The following TOM1L2 variants were observed in gnomAD, a reference collection of about 807,000 sequenced individuals.
TOM1L2 encodes target of myb1 like 2 membrane trafficking protein.
Under a neutral mutation model 67.9 loss-of-function variants are expected in TOM1L2, and 31 were observed. The observed-to-expected ratio is 0.46, with a 90% CI of 0.34 to 0.62. The LOEUF is 0.62. TOM1L2 is among the 20% of genes least tolerant of loss of function. TOM1L2 has a pLI of 0.01. For synonymous variants in TOM1L2, 256 were observed against 254.0 expected (o/e 1.01, Z -0.07); for missense variants, 606 against 663.5 (o/e 0.91, Z 0.95).
chr17:17,877,778 C>G (rs1167153965), intron 7 of TOM1L2, among the ~76,000 whole-genome samples: 1 of 151,466 alleles, frequency 6.6e-6, no homozygotes, highest in African/African-American at 2.4e-5. Context: ...TGGAACAAAA[C>G]AGAGGGAAGG....
chr17:17,867,049 G>T, intron 8 of TOM1L2, 125 bp from the exon 9 acceptor site: 1 of 845,088 alleles, frequency 1.2e-6, no homozygotes, highest in South Asian at 1.4e-5. Flanking sequence ...TGGGGGCTAG[G>T]GAGTGAAACC....
At chr17:17,883,965 C>T (rs1490200581) in intron 5 of TOM1L2, among the ~76,000 whole-genome samples, 1 of 152,084 alleles carries the variant, frequency 6.6e-6, no homozygotes, top group African/African-American at 2.4e-5. Flanking sequence ...TGATTCCCAG[C>T]CAGTAGAGGG....
At chr17:17,869,661 G>GA in intron 7 of TOM1L2, 188 bp from the exon 8 acceptor site, 3 of 1,380,620 alleles carry the variant, frequency 2.2e-6, no homozygotes, top group African/African-American at 1.4e-5. Flanking sequence ...TTCCGCAGAG[G>GA]AAACAAGTAC....
intron 1 of TOM1L2, among the ~76,000 whole-genome samples, chr17:17,935,130 C>T (rs2040469847): frequency 6.6e-6 from 1 of 152,194 alleles, no homozygotes; most frequent in East Asian, 1.9e-4. Context: ...CAAACCCTTG[C>T]CCACAATTTC....
Position 17,871,310 on chromosome 17 carries a change from G to A in TOM1L2, c.778-1837C>T, listed in dbSNP as rs2037142055. ...GGCGTGAACCCAGGAGGCGGAGCTT[G>A]CAGTGAGCCGAGATCACGCCACTGC... On this transcript the variant is annotated intron_variant, in intron 7 of 14. Transcript: ENST00000379504. Among the ~76,000 whole-genome samples the A allele has an allele frequency of 3.9e-5, 6 of 152,218 alleles. No individual in the cohort carries two copies. In the South Asian group the frequency reaches 1.2e-3, roughly 32 times the overall value.
At chr17:17,890,545 T>A (rs1056816374) in intron 4 of TOM1L2, among the ~76,000 whole-genome samples, 1 of 152,146 alleles carries the variant, frequency 6.6e-6, no homozygotes, top group African/African-American at 2.4e-5. Context: ...GTAAATAAAC[T>A]GTAGTGTGTT....
rs146578360 is a variant in TOM1L2, at chr17:17,854,152, G to A, written c.1279-3200C>T. On this transcript the variant is annotated intron_variant, in intron 12 of 14. Transcript: ENST00000379504. Reference sequence around the variant, plus strand: ...CTTAGCTATCTAAACCTCTTGTCCTGGTAAATAAATGCCTTGAGTATTATA... The same window carrying A: ...CTTAGCTATCTAAACCTCTTGTCCTAGTAAATAAATGCCTTGAGTATTATA... Among the ~76,000 whole-genome samples, 9 of 152,280 alleles carry A rather than the reference G, an allele frequency of 5.9e-5. No individual in the cohort carries two copies. The East Asian group carries it at 1.5e-3, about 26-fold the overall frequency.
chr17:17,961,535 A>G (rs563100661), intron 1 of TOM1L2, among the ~76,000 whole-genome samples: 1 of 152,054 alleles, frequency 6.6e-6, no homozygotes, highest in South Asian at 2.1e-4. Flanking sequence ...TGATCATGCC[A>G]CTGTACTCTA....
At chr17:17,933,927 A>G (rs1379181302) in intron 1 of TOM1L2, among the ~76,000 whole-genome samples, 1 of 152,176 alleles carries the variant, frequency 6.6e-6, no homozygotes, top group Non-Finnish European at 1.5e-5. Context: ...ACATGGCTGA[A>G]GCATGAGACC....
intron 1 of TOM1L2, among the ~76,000 whole-genome samples, chr17:17,927,514 A>G (rs2040143394): frequency 1.3e-5 from 2 of 152,244 alleles, no homozygotes. Flanking sequence ...CCTGAAGAAC[A>G]TGGTGGAGCA....
intron 1 of TOM1L2, among the ~76,000 whole-genome samples, chr17:17,938,135 C>G (rs1430387660): frequency 2.0e-5 from 3 of 152,130 alleles, no homozygotes; most frequent in Non-Finnish European, 4.4e-5. Flanking sequence ...GGAGAGGACC[C>G]AGGACTACAG....
At chr17:17,911,502 T>C (rs2039347581) in intron 1 of TOM1L2, among the ~76,000 whole-genome samples, 1 of 152,162 alleles carries the variant, frequency 6.6e-6, no homozygotes, top group South Asian at 2.1e-4. Flanking sequence ...TTTTAGGTTT[T>C]GACGATTTAG....
intron 10 of TOM1L2, 72 bp from the exon 11 acceptor site, chr17:17,862,920 A>C: frequency 1.2e-6 from 1 of 836,718 alleles, no homozygotes; most frequent in Non-Finnish European, 1.7e-6. Flanking sequence ...AGGGCCCCCA[A>C]GCTAGGACGC....
intron 1 of TOM1L2, among the ~76,000 whole-genome samples, chr17:17,948,545 G>A (rs1003890993): frequency 3.9e-5 from 6 of 152,252 alleles, no homozygotes; most frequent in East Asian, 1.9e-4. Flanking sequence ...CCAGCTACTC[G>A]GGAGGCTAAG....
intron 1 of TOM1L2, among the ~76,000 whole-genome samples, chr17:17,916,773 G>A (rs138486187): frequency 7.1e-4 from 108 of 152,002 alleles, no homozygotes; most frequent in African/African-American, 2.0e-3. Flanking sequence ...CTGTAATCCC[G>A]ATACTTTGGG....
At chr17:17,955,378 C>A (rs1170319741) in intron 1 of TOM1L2, among the ~76,000 whole-genome samples, 1 of 128,388 alleles carries the variant, frequency 7.8e-6, no homozygotes, top group Non-Finnish European at 1.5e-5. Context: ...CTTGCTCTGT[C>A]GCCAGGCTGG....
Position 17,847,652 on chromosome 17 carries a change from C to A in TOM1L2, c.1507G>T (p.Ala503Ser). Reference sequence around the variant, plus strand: ...AGAGCTGCTCACAGGGCGAAGAGGGCATCCTCTGACCGCTCTGGCTTCTTC... The same window carrying A: ...AGAGCTGCTCACAGGGCGAAGAGGGAATCCTCTGACCGCTCTGGCTTCTTC... ...GRKKPERSED[A>S]LFAL Residue 503 changes from alanine to serine, a missense_variant, in exon 15 of 15, where the codon GCC (alanine) becomes TCC (serine). By Grantham distance (99) the Ala-to-Ser change is moderately conservative (BLOSUM62 1). Coordinates refer to ENST00000379504, the MANE Select transcript of TOM1L2 (RefSeq NM_001082968.2). 6.2e-7 allele frequency: 1 copy of A among 1,612,458 alleles called. No individual in the cohort carries two copies. The highest frequency in any genetic ancestry group is 1.3e-5 in the African/African-American group (1 of 75,012).
At chr17:17,895,245 C>T (rs1224777863) in intron 3 of TOM1L2, among the ~76,000 whole-genome samples, 1 of 152,154 alleles carries the variant, frequency 6.6e-6, no homozygotes, top group Non-Finnish European at 1.5e-5. Context: ...GCCCCCAGTG[C>T]CACAGTCTAC....
chr17:17,883,902 C>T (rs188326801), intron 5 of TOM1L2, among the ~76,000 whole-genome samples: 3 of 152,246 alleles, frequency 2.0e-5, no homozygotes, highest in Admixed American at 2.0e-4. Flanking sequence ...GGATGAGGTG[C>T]CTCTCCCAGA....
Sources: allele counts gnomAD v4.1 joint callset (sites outside exome capture counted in the v4.1 genomes callset), GRCh38; gene constraint gnomAD v4.1.1; transcripts MANE v1.5; gene names NCBI Gene and HGNC (gene_info 2026-07-23, HGNC 2026-07-21).